Variants in UBP1 observed in about 807,000 individuals in gnomAD.
The protein encoded by UBP1 is upstream binding protein 1.
In UBP1, 22 loss-of-function variants were observed where a neutral mutation model predicts 76.1. The observed-to-expected ratio is 0.29, with a 90% CI of 0.21 to 0.41. The LOEUF (loss-of-function observed/expected upper bound fraction) is 0.41. Among genes scored for constraint, UBP1 ranks in the 10% least tolerant of loss-of-function variants. UBP1 has a pLI of 1.00. For missense variants in UBP1, 436 were observed against 668.1 expected (o/e 0.65, Z 3.83); for synonymous variants, 224 against 237.1 (o/e 0.94, Z 0.51).
At chr3:33,396,682 C>T (rs932551254) in intron 12 of UBP1, 2 of 431,582 alleles carry the variant, frequency 4.6e-6, no homozygotes, top group East Asian at 1.1e-4. Flanking sequence ...AATTAGTTTA[C>T]ATTTTTAATA....
chr3:33,411,238 A>G (rs908140535), intron 5 of UBP1, among the ~76,000 whole-genome samples: 1 of 152,212 alleles, frequency 6.6e-6, no homozygotes, highest in African/African-American at 2.4e-5. Context: ...ATAATGCTAG[A>G]AGGAATTTTA....
intron 2 of UBP1, among the ~76,000 whole-genome samples, chr3:33,417,167 TA>T (rs139930660): frequency 0.014 from 2,205 of 152,332 alleles, 21 homozygotes; most frequent in South Asian, 0.026. Flanking sequence ...TTCACATTTT[TA>T]AAAAGTGTGT....
intron 13 of UBP1, among the ~76,000 whole-genome samples, chr3:33,395,949 G>A (rs1216826819): frequency 6.6e-6 from 1 of 151,742 alleles, no homozygotes; most frequent in East Asian, 1.9e-4. Context: ...GACCCATAGT[G>A]TGGCTGCAAT....
At chr3:33,414,821 C>T (rs146593110) in intron 3 of UBP1, among the ~76,000 whole-genome samples, 1 of 152,112 alleles carries the variant, frequency 6.6e-6, no homozygotes, top group East Asian at 1.9e-4. Flanking sequence ...TAAAAATGAA[C>T]CCTTTTCAAT....
Position 33,412,640 on chromosome 3 carries a change from A to G in UBP1, c.448+82T>C, listed in dbSNP as rs187861904. On this transcript the variant is annotated intron_variant, in intron 4 of 15. Transcript: ENST00000283629. ...CACCAAAACTTTCCCCACACAAGTA[A>G]TTCATGATGCCAACACAACACATTA... 163 of 947,120 alleles carry G rather than the reference A, an allele frequency of 1.7e-4. 2 individuals carry two copies. The African/African-American group carries it at 2.3e-3, about 13-fold the overall frequency. 58.7% of individuals were successfully genotyped at this position (947,120 alleles called of 1,614,324 possible).
chr3:33,408,823 C>A, intron 7 of UBP1, 26 bp from the exon 8 acceptor site: 1 of 1,585,612 alleles, frequency 6.3e-7, no homozygotes. Context: ...AGATTGGGAT[C>A]AATGTCTTTT....
At chr3:33,412,904 G>T in intron 3 of UBP1, 77 bp from the exon 4 acceptor site, 1 of 934,710 alleles carries the variant, frequency 1.1e-6, no homozygotes, top group Non-Finnish European at 1.8e-6. Context: ...CTTCTTATGT[G>T]TTAACCTGTA....
At chr3:33,407,947 C>T (rs1199516642) in intron 8 of UBP1, among the ~76,000 whole-genome samples, 1 of 152,140 alleles carries the variant, frequency 6.6e-6, no homozygotes, top group South Asian at 2.1e-4. Flanking sequence ...AGAGTCATGT[C>T]ATAAAATAAA....
At position 33,411,638 on chromosome 3, in the gene UBP1, C is replaced by G. The variant is rs764183256; in HGVS notation, c.498G>C (p.Gln166His). 1.2e-6 allele frequency: 2 copies of G among 1,614,152 alleles called. No homozygotes were observed. The highest frequency in any genetic ancestry group is 2.2e-5 in the East Asian group (1 of 44,866). ...GIIDTRTNPS[Q>H]LNAVEFLWDP... Reference sequence around the variant, plus strand: ...CCCACAGAAATTCAACCGCATTTAACTGGCTTGGATTCGTCCTTGTGTCAA... The same window carrying G: ...CCCACAGAAATTCAACCGCATTTAAGTGGCTTGGATTCGTCCTTGTGTCAA... Residue 166 changes from glutamine to histidine, a missense_variant, in exon 5 of 16, where the codon CAG becomes CAC. Transcript: ENST00000283629.
chr3:33,441,096 C>A (rs537406095), upstream of UBP1, among the ~76,000 whole-genome samples: 1 of 152,372 alleles, frequency 6.6e-6, no homozygotes, highest in African/African-American at 2.4e-5. Flanking sequence ...CAGGCGGTCT[C>A]CTGAAGTTGG....
rs1018384192 is a variant in UBP1, at chr3:33,440,269, C to G, written c.-421G>C. Reference sequence around the variant, plus strand: ...AAGCCCTCCGCCCGCCCGTCACCCGCCCCCAAGCCTTGACTCCTTGCCCCC... The same window carrying G: ...AAGCCCTCCGCCCGCCCGTCACCCGGCCCCAAGCCTTGACTCCTTGCCCCC... On this transcript the variant is annotated 5_prime_UTR_variant, in exon 1 of 16. Coordinates refer to ENST00000283629, the MANE Select transcript of UBP1 (RefSeq NM_014517.5). 1 of 154,310 alleles carries G rather than the reference C, an allele frequency of 6.5e-6. No individual in the cohort carries two copies. Among genetic ancestry groups the G allele is most frequent in the Non-Finnish European group, 1.4e-5 (1 of 69,578 alleles). The allele number at this position is 154,310 out of a possible 1,614,324, so 9.6% of individuals were successfully genotyped here.
intron 1 of UBP1, among the ~76,000 whole-genome samples, chr3:33,435,089 G>A (rs1292831369): frequency 6.6e-6 from 1 of 152,284 alleles, no homozygotes; most frequent in East Asian, 1.9e-4. Flanking sequence ...AGAAAGGTTT[G>A]CCAACCTTAG....
chr3:33,390,437 T>A, intron 15 of UBP1, 69 bp from the exon 16 acceptor site: 1 of 1,557,158 alleles, frequency 6.4e-7, no homozygotes, highest in Admixed American at 1.7e-5. Flanking sequence ...AATGGAAAAC[T>A]CCCTGCCAAC....
chr3:33,402,510 G>A (rs1471393009), intron 9 of UBP1, among the ~76,000 whole-genome samples: 1 of 152,156 alleles, frequency 6.6e-6, no homozygotes, highest in Admixed American at 6.5e-5. Context: ...CACTGTTAAT[G>A]TTGTCTTTAA....
At chr3:33,436,998 T>G (rs2045214611) in intron 1 of UBP1, among the ~76,000 whole-genome samples, 1 of 152,148 alleles carries the variant, frequency 6.6e-6, no homozygotes, top group Non-Finnish European at 1.5e-5. Flanking sequence ...TAAAAACATT[T>G]ATGACCTGCC....
At chr3:33,425,004 C>G (rs568432563) in intron 2 of UBP1, among the ~76,000 whole-genome samples, 2 of 152,050 alleles carry the variant, frequency 1.3e-5, no homozygotes, top group South Asian at 4.2e-4. Context: ...GAGATTGCGC[C>G]ACTGCACTCC....
rs986373908 is a variant in UBP1, at chr3:33,437,334, G to C, written c.113+2402C>G. On this transcript the variant is annotated intron_variant, in intron 1 of 15. Transcript: ENST00000283629. ...GTGGCTATTAACAGGTGCAATCATA[G>C]CACACACTACACCCCTGAACCTCTG... 2.6e-5 allele frequency among the ~76,000 whole-genome samples: 4 copies of C among 152,230 alleles called. No individual in the cohort carries two copies. The South Asian group carries it at 8.3e-4, about 32-fold the overall frequency.
chr3:33,413,607 C>T (rs2044652161), intron 3 of UBP1, among the ~76,000 whole-genome samples: 1 of 149,904 alleles, frequency 6.7e-6, no homozygotes, highest in Non-Finnish European at 1.5e-5. Context: ...AAACAAAAAT[C>T]CGAAACACTG....
Position 33,402,883 on chromosome 3 carries a change from G to T in UBP1, c.949C>A (p.Pro317Thr), listed in dbSNP as rs756737013. Reference sequence around the variant, plus strand: ...GGGCTGTTATTCACATAGGCTGTGGGGGCATCGGGCCACGGAGAACACTAA... The same window carrying T: ...GGGCTGTTATTCACATAGGCTGTGGTGGCATCGGGCCACGGAGAACACTAA... ...RGSCSPWPDA[P>T]TAYVNNSPSP... Residue 317 changes from proline (P) to threonine (T), a missense_variant, in exon 9 of 16, where the codon CCC (proline) becomes ACC (threonine). By Grantham distance (38) the Pro-to-Thr change is conservative. Transcript: ENST00000283629. 1.2e-6 allele frequency: 2 copies of T among 1,610,338 alleles called. No homozygotes were observed. The highest frequency in any genetic ancestry group is 1.7e-6 in the Non-Finnish European group (2 of 1,178,562).
Sources: gnomAD v4.1 joint callset for allele counts (sites outside exome capture counted in the v4.1 genomes callset) on GRCh38, gnomAD v4.1.1 for gene constraint, MANE v1.5 for transcripts, NCBI Gene and HGNC (gene_info 2026-07-23, HGNC 2026-07-21) for gene names.